Variants in TRMT13 observed in about 807,000 individuals in gnomAD.
TRMT13 encodes the protein tRNA:m(4)X modification enzyme TRM13 homolog.
Under a neutral mutation model 55.9 loss-of-function variants are expected in TRMT13, and 45 were observed. The ratio of observed to expected loss-of-function variants is 0.80; its 90% confidence interval spans 0.63 to 1.03. The LOEUF is 1.03. Ranked by LOEUF, TRMT13 falls within the 50% of genes least tolerant of loss-of-function variation. TRMT13 has a pLI of 0.00. For missense variants in TRMT13, 513 were observed against 563.9 expected, an observed-to-expected ratio of 0.91 and a Z score of 0.91; for synonymous variants, 183 against 196.3, an observed-to-expected ratio of 0.93 and a Z score of 0.57.
rs141081618 is a variant in TRMT13 at position 100,133,188 on chromosome 1, C to A, written c.20C>A (p.Ser7Ter). The A allele has an allele frequency of 1.2e-6, 2 of 1,614,048 alleles. No individual in the cohort carries two copies. The highest frequency in any genetic ancestry group is 4.5e-5 in the East Asian group (2 of 44,900). Residue 7 changes from serine to a stop codon, truncating the protein, a stop_gained, in exon 1 of 11, where the codon TCG (serine) becomes TAG (stop). Transcript: ENST00000370141. LOFTEE classifies it high-confidence loss of function. ...AGAATTATGGCGACCTCCGCGACGT[C>A]GCCGCACGCGCCTGGTTTTCCAGCT... is the stretch of plus-strand genomic sequence containing the variant. MATSAT[S>*]PHAPGFPAEG...
At position 100,149,768 on chromosome 1, in the gene TRMT13, C is replaced by G. The variant is rs114934545; in HGVS notation, c.*948C>G. 2,702 of 184,708 alleles carry G rather than the reference C, an allele frequency of 0.015. 32 individuals are homozygous for G. The highest frequency in any genetic ancestry group is 0.02 in the Non-Finnish European group (1,756 of 89,816). The allele number at this position is 184,708 out of a possible 1,614,324, so 11.4% of individuals were successfully genotyped here. On this transcript the variant is annotated 3_prime_UTR_variant, in exon 11 of 11. Coordinates refer to ENST00000370141, the MANE Select transcript of TRMT13 (RefSeq NM_019083.3). Reference sequence around the variant, plus strand: ...CCAAATATATGGTAGGACTGTTATTCTCTTCTGCATCTTATCCCTATTTTG... The same window carrying G: ...CCAAATATATGGTAGGACTGTTATTGTCTTCTGCATCTTATCCCTATTTTG...
intron 9 of TRMT13, among the ~76,000 whole-genome samples, chr1:100,146,586 A>G (rs588353): frequency 6.6e-6 from 1 of 151,790 alleles, no homozygotes; most frequent in African/African-American, 2.4e-5. Flanking sequence ...GCTCACTGCA[A>G]CCTCCGCCTC....
At chr1:100,137,210 T>G (rs1009362410) in intron 3 of TRMT13, 125 bp downstream of exon 3, 3 of 798,132 alleles carry the variant, frequency 3.8e-6, no homozygotes, top group Non-Finnish European at 5.9e-6. Context: ...AATTTTTTTT[T>G]AAAGAGATAG....
At chr1:100,136,776 T>C in intron 1 of TRMT13, 106 bp from the exon 2 acceptor site, 4 of 1,090,850 alleles carry the variant, frequency 3.7e-6, no homozygotes, top group Non-Finnish European at 5.2e-6. Flanking sequence ...CTTGTAAGGT[T>C]TCCTTACCTT....
rs1657736607 is a variant in TRMT13, at chr1:100,149,478, T to C, written c.*658T>C. On this transcript the variant is annotated 3_prime_UTR_variant, in exon 11 of 11. Coordinates refer to ENST00000370141, the MANE Select transcript of TRMT13 (RefSeq NM_019083.3). ...AGATTATTTCACTTAATTATTTTGT[T>C]GGATAATTGTCTAGTTAGAACTTCC... The C allele has an allele frequency of 5.3e-6, 8 of 1,508,358 alleles. No homozygotes were observed. Among genetic ancestry groups the C allele is most frequent in the Non-Finnish European group, 7.1e-6 (8 of 1,122,444 alleles). 93.4% of individuals were successfully genotyped at this position (1,508,358 alleles called of 1,614,324 possible). A position where few individuals can be genotyped will look rare whatever the true frequency, so the allele number is the denominator to read the frequency against.
intron 9 of TRMT13, 167 bp downstream of exon 9, chr1:100,144,310 A>G: frequency 1.8e-6 from 1 of 550,944 alleles, no homozygotes; most frequent in East Asian, 3.0e-5. Context: ...TTTCCTATTT[A>G]TCTGCTCATA....
chr1:100,144,097 A>T lies in TRMT13; in HGVS notation c.771A>T (p.Lys257Asn), dbSNP rs1553222232. 13 of 1,613,424 alleles carry T rather than the reference A, an allele frequency of 8.1e-6. No individual in the cohort carries two copies. In the South Asian group the frequency reaches 1.1e-4, roughly 14 times the overall value. The change falls in exon 9 of 11, where the codon AAA (lysine) becomes AAT (asparagine). Residue 257 changes from lysine to asparagine, a missense_variant. Lys to Asn is a moderately conservative substitution (Grantham distance 94, BLOSUM62 0). Coordinates refer to ENST00000370141, the MANE Select transcript of TRMT13 (RefSeq NM_019083.3). The part of the protein sequence containing the change: ...LNKIPVLREE[K>N]LPVVGIGKHL... Reference sequence around the variant, plus strand: ...AGATTCCTGTGCTAAGAGAAGAAAAACTACCTGTGGTAGGAATTGGAAAGC... The same window carrying T: ...AGATTCCTGTGCTAAGAGAAGAAAATCTACCTGTGGTAGGAATTGGAAAGC...
chr1:100,147,694 A>G (rs1657452549), intron 9 of TRMT13, among the ~76,000 whole-genome samples, 200 bp from the exon 10 acceptor site: 1 of 152,250 alleles, frequency 6.6e-6, no homozygotes, highest in South Asian at 2.1e-4. Context: ...AGAATAAATC[A>G]TTAAAGAAAT....
chr1:100,139,799 C>A, intron 4 of TRMT13, 88 bp downstream of exon 4: 1 of 865,710 alleles, frequency 1.2e-6, no homozygotes, highest in South Asian at 1.8e-5. Context: ...ATTTTTGTCT[C>A]AAGTCTGTTT....
Position 100,136,962 on chromosome 1 carries a change from G to A in TRMT13, c.194+34G>A, listed in dbSNP as rs747689684. On this transcript the variant is annotated intron_variant, in intron 2 of 10. Transcript: ENST00000370141. ...GGATCAGATACGGGTTTTTTTTTGT[G>A]CTGGAAACAGTAATTGGCACAAGTC... The A allele has an allele frequency of 6.9e-6, 11 of 1,592,952 alleles. No individual in the cohort carries two copies. The South Asian group carries it at 1.0e-4, about 15-fold the overall frequency.
In TRMT13 at chr1:100,143,190, T is replaced by C; in HGVS notation, c.723T>C (p.Asp241=). 6.2e-7 allele frequency: 1 copy of C among 1,608,106 alleles called. No homozygotes were observed. Among genetic ancestry groups the C allele is most frequent in the Non-Finnish European group, 8.5e-7 (1 of 1,175,956 alleles). The part of the protein sequence containing the change: ...KNSVFERLQI[D]IQHLCLNKIP... ...CAGTGTTTGAAAGACTTCAAATTGA[T>C]ATTCAACACTTGTGTTTGAGTAAGT... The change falls in exon 8 of 11, where the codon GAT becomes GAC. Residue 241 remains aspartate, a synonymous_variant. Transcript: ENST00000370141.
At position 100,149,187 on chromosome 1, in the gene TRMT13, A is replaced by AT. The variant is rs1657696014; in HGVS notation, c.*373dup. 4.0e-6 allele frequency: 6 copies of AT among 1,516,586 alleles called. No individual in the cohort carries two copies. In the South Asian group the frequency reaches 6.5e-5, roughly 17 times the overall value. 93.9% of individuals were successfully genotyped at this position (1,516,586 alleles called of 1,614,324 possible). A position where few individuals can be genotyped will look rare whatever the true frequency, so the allele number is the denominator to read the frequency against. On this transcript the variant is annotated 3_prime_UTR_variant, in exon 11 of 11. Coordinates refer to ENST00000370141, the MANE Select transcript of TRMT13 (RefSeq NM_019083.3). ...TTATCTTCCTTTGATTTTATTTAAT[A>AT]TTTTTTATTTCTTAAGTTCAAGAGG...
In TRMT13 at chr1:100,140,521, T is replaced by A; in HGVS notation, c.501+7T>A. The stretch of plus-strand genomic sequence containing the variant: ...CAAGCACCTGAAACAGCAGGTATGT[T>A]TAGGCTATAGTAACTACTAAACATG... On this transcript the variant is annotated splice_region_variant and intron_variant, in intron 6 of 10. Transcript: ENST00000370141. 3.1e-6 allele frequency: 5 copies of A among 1,594,096 alleles called. No individual in the cohort carries two copies. The highest frequency in any genetic ancestry group is 3.4e-6 in the Non-Finnish European group (4 of 1,161,708).
chr1:100,135,988 G>A (rs372865998), intron 1 of TRMT13, among the ~76,000 whole-genome samples: 1 of 152,116 alleles, frequency 6.6e-6, no homozygotes, highest in Non-Finnish European at 1.5e-5. Context: ...GTAACATGCT[G>A]TACAGGTTTA....
Position 100,150,088 on chromosome 1 carries a change from G to GGAT in TRMT13, c.*1278_*1280dup, listed in dbSNP as rs1037699539. 6.6e-6 allele frequency: 1 copy of GGAT among 152,140 alleles called. No individual in the cohort carries two copies. The highest frequency in any genetic ancestry group is 6.6e-5 in the Admixed American group (1 of 15,248). 9.4% of individuals were successfully genotyped at this position (152,140 alleles called of 1,614,324 possible). A position where few individuals can be genotyped will look rare whatever the true frequency, so the allele number is the denominator to read the frequency against. On this transcript the variant is annotated 3_prime_UTR_variant, in exon 11 of 11. Coordinates refer to ENST00000370141, the MANE Select transcript of TRMT13 (RefSeq NM_019083.3). The stretch of plus-strand genomic sequence containing the variant: ...CCTCAATTTCCTCCTTTTAAAATGG[G>GGAT]GATGATGATGATAACAATAATACCT...
At chr1:100,138,747 CAT>C (rs1656229692) in intron 3 of TRMT13, among the ~76,000 whole-genome samples, 1 of 152,222 alleles carries the variant, frequency 6.6e-6, no homozygotes, top group Non-Finnish European at 1.5e-5. Flanking sequence ...CCACTAGCCA[CAT>C]ATGACTATTT....
intron 3 of TRMT13, among the ~76,000 whole-genome samples, chr1:100,137,427 G>C (rs2101720551): frequency 6.6e-6 from 1 of 152,166 alleles, no homozygotes; most frequent in African/African-American, 2.4e-5. Flanking sequence ...CGAACTGCTG[G>C]TGTCAAGCAG....
Position 100,136,870 on chromosome 1 carries a change from T to C in TRMT13, c.148-12T>C, listed in dbSNP as rs773022272. The C allele has an allele frequency of 3.8e-6, 6 of 1,584,302 alleles. No homozygotes were observed. Among genetic ancestry groups the C allele is most frequent in the Non-Finnish European group, 4.3e-6 (5 of 1,166,932 alleles). ...TATTTTATTTAAATAAATGTATCTC[T>C]TAATTTATTAGGAAGAAGATGCTCG... On this transcript the variant is annotated splice_polypyrimidine_tract_variant and intron_variant, in intron 1 of 10. Coordinates refer to ENST00000370141, the MANE Select transcript of TRMT13 (RefSeq NM_019083.3).
In TRMT13 at chr1:100,148,871, A is replaced by T. The variant is rs1042459329; in HGVS notation, c.*51A>T. 4.0e-6 allele frequency: 5 copies of T among 1,235,946 alleles called. No homozygotes were observed. The highest frequency in any genetic ancestry group is 5.2e-6 in the Non-Finnish European group (5 of 956,278). 76.6% of individuals were successfully genotyped at this position (1,235,946 alleles called of 1,614,324 possible). A position where few individuals can be genotyped will look rare whatever the true frequency, so the allele number is the denominator to read the frequency against. On this transcript the variant is annotated 3_prime_UTR_variant, in exon 11 of 11. Coordinates refer to ENST00000370141, the MANE Select transcript of TRMT13 (RefSeq NM_019083.3). Reference sequence around the variant, plus strand: ...GTCTTCCACCAAAAAAAATTTTTTAATTATATTTTTATATCAAAAAAATAT... The same window carrying T: ...GTCTTCCACCAAAAAAAATTTTTTATTTATATTTTTATATCAAAAAAATAT...
Sources: gnomAD v4.1 joint callset for allele counts (sites outside exome capture counted in the v4.1 genomes callset) on GRCh38, gnomAD v4.1.1 for gene constraint, MANE v1.5 for transcripts, NCBI Gene and HGNC (gene_info 2026-07-23, HGNC 2026-07-21) for gene names.